RBPMS: variants seen among roughly 807,000 people sequenced by gnomAD.
RBPMS encodes the protein RNA binding protein, mRNA processing factor.
RBPMS carries 7 observed loss-of-function variants against 26.8 expected under a neutral mutation model. That is an observed-to-expected ratio of 0.26 (90% CI 0.15 to 0.49). The LOEUF (loss-of-function observed/expected upper bound fraction) is 0.49, where lower values mean the gene tolerates loss of function less well. Among genes scored for constraint, RBPMS ranks in the 20% least tolerant of loss-of-function variants. The pLI is 0.98. For missense variants in RBPMS, 186 were observed against 250.0 expected (o/e 0.74, Z 1.73); for synonymous variants, 96 against 93.3 (o/e 1.03, Z -0.17).
In RBPMS at chr8:30,558,955, A is replaced by G. The variant is rs946402149; in HGVS notation, c.*6A>G. On this transcript the variant is annotated splice_region_variant and 3_prime_UTR_variant, in exon 7 of 9. Coordinates refer to ENST00000397323, the MANE Select transcript of RBPMS (RefSeq NM_001008710.3). The stretch of plus-strand genomic sequence containing the variant: ...AGTCCCGTCAGTTCTGCTGAATACT[A>G]TGTAAGTACTCGCTTTCCTTTGGAA... 1.9e-6 allele frequency: 3 copies of G among 1,613,310 alleles called. No homozygotes were observed. Among genetic ancestry groups the G allele is most frequent in the Non-Finnish European group, 8.5e-7 (1 of 1,179,348 alleles).
chr8:30,499,392 A>G (rs1224008221), intron 4 of RBPMS, among the ~76,000 whole-genome samples: 1 of 152,148 alleles, frequency 6.6e-6, no homozygotes. Context: ...GAAAAACAAC[A>G]TATTTATATA....
intron 1 of RBPMS, among the ~76,000 whole-genome samples, chr8:30,464,222 G>A (rs946294613): frequency 6.6e-6 from 1 of 152,078 alleles, no homozygotes; most frequent in Non-Finnish European, 1.5e-5. Context: ...TTTATATCTG[G>A]TTTAGTACTT....
intron 1 of RBPMS, among the ~76,000 whole-genome samples, chr8:30,460,595 G>T (rs556667445): frequency 1.3e-5 from 2 of 152,158 alleles, no homozygotes; most frequent in South Asian, 2.1e-4. Context: ...TATTACATCA[G>T]ATATATCTGG....
At chr8:30,546,456 A>G (rs1313584924) in intron 6 of RBPMS, among the ~76,000 whole-genome samples, 1 of 152,186 alleles carries the variant, frequency 6.6e-6, no homozygotes, top group African/African-American at 2.4e-5. Flanking sequence ...ATGGTAAGAG[A>G]AGGGCCTAAA....
intron 2 of RBPMS, among the ~76,000 whole-genome samples, chr8:30,477,180 G>C (rs946489831): frequency 1.3e-5 from 2 of 152,108 alleles, no homozygotes; most frequent in Admixed American, 1.3e-4. Flanking sequence ...AGCCTCCCAA[G>C]TAGCTGGGAC....
intron 7 of RBPMS, chr8:30,564,286 G>C (rs1031336730): frequency 6.6e-6 from 1 of 152,210 alleles, no homozygotes; most frequent in African/African-American, 2.4e-5. Context: ...AAATGGACTG[G>C]AAGTGCAGCA....
At chr8:30,550,316 C>T (rs1317773095) in intron 6 of RBPMS, among the ~76,000 whole-genome samples, 1 of 152,182 alleles carries the variant, frequency 6.6e-6, no homozygotes, top group Non-Finnish European at 1.5e-5. Context: ...TGTGCGACCT[C>T]AATTGAGCAA....
rs1817532711 is a variant in RBPMS at position 30,474,953 on chromosome 8, A to G, written c.144+97A>G. 3.0e-5 allele frequency: 24 copies of G among 805,252 alleles called. No homozygotes were observed. In the South Asian group the frequency reaches 3.6e-4, roughly 12 times the overall value. 49.9% of individuals were successfully genotyped at this position (805,252 alleles called of 1,614,324 possible). On this transcript the variant is annotated intron_variant, in intron 2 of 8. Transcript: ENST00000397323. ...GCAAGAAATGAAATATTTGAGAAGAAAACAGATGTTTTTAAAAGGTTAATG... is the reference window on the plus strand; with the variant it reads ...GCAAGAAATGAAATATTTGAGAAGAGAACAGATGTTTTTAAAAGGTTAATG...
At position 30,550,882 on chromosome 8, in the gene RBPMS, T is replaced by G. The variant is rs143873140; in HGVS notation, c.528+6258T>G. On this transcript the variant is annotated intron_variant, in intron 6 of 8. Coordinates refer to ENST00000397323, the MANE Select transcript of RBPMS (RefSeq NM_001008710.3). The stretch of plus-strand genomic sequence containing the variant: ...TGGCCCTTGCCCTCACGAGTTACTT[T>G]ACACAAACCCGCTGTCCCTGACCTT... Among the ~76,000 whole-genome samples, 84 of 152,316 alleles carry G rather than the reference T, an allele frequency of 5.5e-4. 2 individuals carry two copies. The highest frequency in any genetic ancestry group is 2.0e-3 in the African/African-American group (83 of 41,574).
At chr8:30,409,611 C>T (rs1411923312) in intron 1 of RBPMS, among the ~76,000 whole-genome samples, 3 of 152,274 alleles carry the variant, frequency 2.0e-5, no homozygotes, top group East Asian at 3.9e-4. Context: ...AGTGAATATG[C>T]GTCCTAATAC....
intron 1 of RBPMS, among the ~76,000 whole-genome samples, chr8:30,420,897 G>A (rs2150621064): frequency 6.6e-6 from 1 of 152,290 alleles, no homozygotes; most frequent in South Asian, 2.1e-4. Context: ...GGTCTATCTA[G>A]GAACAGTAGT....
chr8:30,538,101 TAGAG>T (rs1346761390), intron 5 of RBPMS, among the ~76,000 whole-genome samples: 1 of 152,136 alleles, frequency 6.6e-6, no homozygotes, highest in African/African-American at 2.4e-5. Flanking sequence ...AGGTCCATGA[TAGAG>T]AGAAAATAGA....
chr8:30,569,996 G>A (rs535711854), intron 8 of RBPMS, among the ~76,000 whole-genome samples: 181 of 152,256 alleles, frequency 1.2e-3, no homozygotes, highest in African/African-American at 4.1e-3. Context: ...GCCGTTACCC[G>A]CTACCCACTC....
chr8:30,544,658 C>A, intron 6 of RBPMS, 34 bp downstream of exon 6: 3 of 1,612,570 alleles, frequency 1.9e-6, no homozygotes, highest in African/African-American at 2.7e-5. Context: ...ACTTCACTCA[C>A]TTCACCACCA....
intron 5 of RBPMS, among the ~76,000 whole-genome samples, chr8:30,512,847 A>G (rs570829004): frequency 1.3e-5 from 2 of 152,308 alleles, no homozygotes; most frequent in South Asian, 4.1e-4. Flanking sequence ...TAAGAGCAGA[A>G]CTCCATATGA....
Position 30,480,279 on chromosome 8 carries a change from C to CT in RBPMS, c.246+904dup, listed in dbSNP as rs1345003464. Among the ~76,000 whole-genome samples, 3 of 152,292 alleles carry CT rather than the reference C, an allele frequency of 2.0e-5. No individual in the cohort carries two copies. The East Asian group carries it at 5.8e-4, about 29-fold the overall frequency. Reference sequence around the variant, plus strand: ...GTACCATTTTGGAGGCGTCTGGGAACTTGCGTCTGGCCTTTGTGTTGCTGT... The same window carrying CT: ...GTACCATTTTGGAGGCGTCTGGGAACTTTGCGTCTGGCCTTTGTGTTGCTGT... On this transcript the variant is annotated intron_variant, in intron 4 of 8. Transcript: ENST00000397323.
chr8:30,555,598 T>C (rs1272559393), intron 6 of RBPMS, among the ~76,000 whole-genome samples: 1 of 152,178 alleles, frequency 6.6e-6, no homozygotes, highest in Non-Finnish European at 1.5e-5. Flanking sequence ...TGTGTACACA[T>C]ACGTTTTCTG....
intron 7 of RBPMS, 43 bp downstream of exon 7, chr8:30,558,999 C>A: frequency 1.3e-6 from 2 of 1,522,914 alleles, no homozygotes; most frequent in Non-Finnish European, 1.8e-6. Context: ...GCCCCTAGAA[C>A]ACATCTGTAC....
At chr8:30,502,078 A>G in intron 4 of RBPMS, among the ~76,000 whole-genome samples, 1 of 150,628 alleles carries the variant, frequency 6.6e-6, no homozygotes, top group East Asian at 2.0e-4. Flanking sequence ...TGTGGCTTGT[A>G]TTCTAAGCCT....
Sources: gnomAD v4.1 joint callset for allele counts (sites outside exome capture counted in the v4.1 genomes callset) on GRCh38, gnomAD v4.1.1 for gene constraint, MANE v1.5 for transcripts, NCBI Gene and HGNC (gene_info 2026-07-23, HGNC 2026-07-21) for gene names.